The following TACC2 variants were observed in gnomAD, a reference collection of about 807,000 sequenced individuals.
TACC2 encodes the protein transforming acidic coiled-coil containing protein 2.
In TACC2, 137 loss-of-function variants were observed where a neutral mutation model predicts 227.3. The observed-to-expected ratio is 0.60, with a 90% CI of 0.52 to 0.69. TACC2 has a LOEUF of 0.69. Ranked by LOEUF, TACC2 falls within the 30% of genes least tolerant of loss-of-function variation. TACC2 has a pLI of 0.00. For missense variants in TACC2, 3,470 were observed against 3,694.4 expected (o/e 0.94, Z 1.57); for synonymous variants, 1,523 against 1,487.5 (o/e 1.02, Z -0.55).
At chr10:122,133,522 CAT>C (rs778908119) in intron 6 of TACC2, among the ~76,000 whole-genome samples, 32 of 152,276 alleles carry the variant, frequency 2.1e-4, no homozygotes, top group East Asian at 5.8e-4. Context: ...TATACACACA[CAT>C]GTCTGTGTGT....
chr10:122,105,604 G>A (rs891510277), intron 5 of TACC2, among the ~76,000 whole-genome samples: 1 of 151,100 alleles, frequency 6.6e-6, no homozygotes, highest in Non-Finnish European at 1.5e-5. Flanking sequence ...GTCTTTCCAC[G>A]TAGCGTCCTG....
intron 7 of TACC2, among the ~76,000 whole-genome samples, chr10:122,181,099 CCTT>C (rs377571040): frequency 4.1e-4 from 62 of 151,952 alleles, no homozygotes; most frequent in African/African-American, 1.3e-3. Context: ...GCCAGCCAGC[CCTT>C]CTTCTGTTTG....
chr10:122,184,513 C>T (rs537287342), intron 7 of TACC2, among the ~76,000 whole-genome samples: 59 of 152,312 alleles, frequency 3.9e-4, no homozygotes, highest in Admixed American at 3.8e-3. Context: ...GAAGAACTTG[C>T]TGAGCACATC....
chr10:122,122,766 G>A (rs936474181), intron 5 of TACC2, among the ~76,000 whole-genome samples: 2 of 152,196 alleles, frequency 1.3e-5, no homozygotes, highest in Non-Finnish European at 2.9e-5. Context: ...GAGTGAGTGT[G>A]TGCAGAGCCC....
At chr10:122,068,137 T>C (rs1454295172) in intron 3 of TACC2, among the ~76,000 whole-genome samples, 3 of 152,198 alleles carry the variant, frequency 2.0e-5, no homozygotes, top group Non-Finnish European at 4.4e-5. Flanking sequence ...GGTTTTTTAT[T>C]TTAGACATTG....
At chr10:122,122,501 T>TTC (rs1317047138) in intron 5 of TACC2, among the ~76,000 whole-genome samples, 1 of 152,068 alleles carries the variant, frequency 6.6e-6, no homozygotes, top group East Asian at 1.9e-4. Context: ...CTTTTTTTTT[T>TTC]TTTAATAGCT....
chr10:122,053,829 T>C (rs2075956615), intron 3 of TACC2, among the ~76,000 whole-genome samples: 1 of 152,172 alleles, frequency 6.6e-6, no homozygotes, highest in Non-Finnish European at 1.5e-5. Context: ...CTTCAAAGGA[T>C]GTAAGTTTTT....
At chr10:122,185,617 T>A (rs2094159086) in intron 7 of TACC2, among the ~76,000 whole-genome samples, 1 of 152,230 alleles carries the variant, frequency 6.6e-6, no homozygotes, top group Admixed American at 6.5e-5. Context: ...GAAGGCTAAG[T>A]GTGTTTTTTC....
intron 7 of TACC2, among the ~76,000 whole-genome samples, chr10:122,157,190 G>C (rs2092545447): frequency 6.6e-6 from 1 of 152,184 alleles, no homozygotes; most frequent in Admixed American, 6.5e-5. Context: ...TGGTTGCTTT[G>C]TTGATGACAT....
rs932575759 is a variant in TACC2, at chr10:122,229,336, C to T, written c.7897-10C>T. 23 of 1,613,578 alleles carry T rather than the reference C, an allele frequency of 1.4e-5. No individual in the cohort carries two copies. The highest frequency in any genetic ancestry group is 4.4e-5 in the South Asian group (4 of 91,060). On this transcript the variant is annotated splice_polypyrimidine_tract_variant and intron_variant, in intron 14 of 22. Transcript: ENST00000369005. ...TTTTCTTGTGTGTCCTCCTCTCTGC[C>T]GGCTTTCAGACAGCTCCCGAGGGCT...
rs202216560 is a variant in TACC2, at chr10:121,996,162, TCCCA to T, written c.-46+6677_-46+6680del. 7.0e-3 allele frequency among the ~76,000 whole-genome samples: 1,060 copies of T among 152,194 alleles called. 12 individuals are homozygous for T. The highest frequency in any genetic ancestry group is 0.024 in the African/African-American group (995 of 41,504). The stretch of plus-strand genomic sequence containing the variant: ...TTGACTTCCTGGGCTCAAGCACTCC[TCCCA>T]CCTCAGCCCCCCGAGTAGCTGGGAC... On this transcript the variant is annotated intron_variant, in intron 1 of 22. Transcript: ENST00000369005.
intron 1 of TACC2, among the ~76,000 whole-genome samples, chr10:122,006,609 G>T (rs2135223706): frequency 6.6e-6 from 1 of 152,042 alleles, no homozygotes; most frequent in South Asian, 2.1e-4. Context: ...TGATTGTTTT[G>T]GGTTAATTTT....
chr10:122,216,500 TGA>T, intron 10 of TACC2, 125 bp from the exon 11 acceptor site: 1 of 839,740 alleles, frequency 1.2e-6, no homozygotes, highest in Non-Finnish European at 1.8e-6. Context: ...GAGCAGAGTC[TGA>T]GAAGAGCATG....
Position 122,050,786 on chromosome 10 carries a change from G to A in TACC2, c.146+236G>A. 1.9e-6 allele frequency: 1 copy of A among 516,110 alleles called. No individual in the cohort carries two copies. 32.0% of individuals were successfully genotyped at this position (516,110 alleles called of 1,614,324 possible). A position where few individuals can be genotyped will look rare whatever the true frequency, so the allele number is the denominator to read the frequency against. ...CCCAAAGATGAAATTAGTAATTATAGACTTCCATTCCAGCCACACTCCAGA... is the reference window on the plus strand; with the variant it reads ...CCCAAAGATGAAATTAGTAATTATAAACTTCCATTCCAGCCACACTCCAGA... On this transcript the variant is annotated intron_variant, in intron 3 of 22. Coordinates refer to ENST00000369005, the MANE Select transcript of TACC2 (RefSeq NM_206862.4). This position sits in a 1 kb window ranked among gnomAD's most constrained non-coding sequence, Gnocchi z 4.6.
chr10:122,116,661 G>T (rs905049590), intron 5 of TACC2, among the ~76,000 whole-genome samples: 2 of 152,218 alleles, frequency 1.3e-5, no homozygotes, highest in African/African-American at 2.4e-5. Context: ...TGGAAAGTCA[G>T]TGGTGTTCAT....
In TACC2 at chr10:122,050,660, A is replaced by G. The variant is rs1399689068; in HGVS notation, c.146+110A>G. On this transcript the variant is annotated intron_variant, in intron 3 of 22. Coordinates refer to ENST00000369005, the MANE Select transcript of TACC2 (RefSeq NM_206862.4). This position sits in a 1 kb window ranked among gnomAD's most constrained non-coding sequence, Gnocchi z 4.6. ...CTTTGGAAACTGGACCCTTAGACAC[A>G]TGGTATCGTCCTCAGTGGTGAGATG... is the stretch of plus-strand genomic sequence containing the variant. 1.3e-6 allele frequency: 1 copy of G among 784,656 alleles called. No individual in the cohort carries two copies. The highest frequency in any genetic ancestry group is 2.1e-6 in the Non-Finnish European group (1 of 471,316). 48.6% of individuals were successfully genotyped at this position (784,656 alleles called of 1,614,324 possible).
At chr10:122,010,354 G>C (rs1237657015) in intron 1 of TACC2, among the ~76,000 whole-genome samples, 1 of 119,930 alleles carries the variant, frequency 8.3e-6, no homozygotes, top group African/African-American at 3.3e-5. Context: ...GTTTTAATAA[G>C]AATATGGTTT....
intron 1 of TACC2, among the ~76,000 whole-genome samples, chr10:122,021,608 C>T (rs548029812): frequency 1.3e-5 from 2 of 152,232 alleles, no homozygotes; most frequent in East Asian, 3.9e-4. Context: ...TCCTCAGGCC[C>T]TTTGGCAAAC....
Position 121,989,491 on chromosome 10 carries a change from A to G in TACC2, c.-46+3A>G, listed in dbSNP as rs1952943497. The G allele has an allele frequency of 6.6e-6, 1 of 152,168 alleles. No individual in the cohort carries two copies. The highest frequency in any genetic ancestry group is 2.4e-5 in the African/African-American group (1 of 41,436). The allele number at this position is 152,168 out of a possible 1,614,324, so 9.4% of individuals were successfully genotyped here. A position where few individuals can be genotyped will look rare whatever the true frequency, so the allele number is the denominator to read the frequency against. Reference sequence around the variant, plus strand: ...CTACTGGTAACAGCTGGAGTGCGGTAAGTAAGGAGGAGAGGGCTGGAAAAT... The same window carrying G: ...CTACTGGTAACAGCTGGAGTGCGGTGAGTAAGGAGGAGAGGGCTGGAAAAT... On this transcript the variant is annotated splice_donor_region_variant and intron_variant, in intron 1 of 22. Transcript: ENST00000369005.
Sources: gnomAD v4.1 joint callset for allele counts (sites outside exome capture counted in the v4.1 genomes callset) on GRCh38, gnomAD v4.1.1 for gene constraint, Gnocchi (gnomAD v3.1) non-coding constraint, MANE v1.5 for transcripts, NCBI Gene and HGNC (gene_info 2026-07-23, HGNC 2026-07-21) for gene names.